Variants in NTM observed in about 807,000 individuals in gnomAD.
NTM encodes IgLON family member 2.
Under a neutral mutation model 42.1 loss-of-function variants are expected in NTM, and 13 were observed. That is an observed-to-expected ratio of 0.31 (90% CI 0.20 to 0.49). The LOEUF is 0.49. Among genes scored for constraint, NTM ranks in the 20% least tolerant of loss-of-function variants. The pLI is 0.99. For missense variants in NTM, 373 were observed against 452.8 expected, an observed-to-expected ratio of 0.82 and a Z score of 1.60; for synonymous variants, 187 against 179.2, an observed-to-expected ratio of 1.04 and a Z score of -0.35.
At chr11:131,614,111 G>C (rs2061694855) in intron 1 of NTM, among the ~76,000 whole-genome samples, 1 of 152,142 alleles carries the variant, frequency 6.6e-6, no homozygotes, top group Non-Finnish European at 1.5e-5. Context: ...ACTGAGATCT[G>C]GGGCGATGGG....
intron 1 of NTM, among the ~76,000 whole-genome samples, chr11:131,888,604 G>A (rs521152): frequency 0.063 from 9,554 of 152,016 alleles, 332 homozygotes; most frequent in East Asian, 0.15. Flanking sequence ...CTTCCTTGTC[G>A]CAGATGTAAA....
intron 2 of NTM, among the ~76,000 whole-genome samples, chr11:131,948,189 G>A (rs941381417): frequency 6.6e-6 from 1 of 151,634 alleles, no homozygotes; most frequent in Non-Finnish European, 1.5e-5. Context: ...GTGAAACCCC[G>A]TCTCTACTAA....
chr11:132,301,368 G>A (rs2094848426), intron 4 of NTM, among the ~76,000 whole-genome samples: 1 of 152,184 alleles, frequency 6.6e-6, no homozygotes, highest in Admixed American at 6.5e-5. Flanking sequence ...GAACTACAAT[G>A]CAAGATGAGA....
chr11:132,284,647 G>T (rs2094151777), intron 4 of NTM: 1 of 152,846 alleles, frequency 6.5e-6, no homozygotes, highest in African/African-American at 2.4e-5. Flanking sequence ...TGGCGGTTGG[G>T]ACTTCAACTT....
At chr11:131,768,370 G>A (rs540550666) in intron 1 of NTM, among the ~76,000 whole-genome samples, 8 of 152,004 alleles carry the variant, frequency 5.3e-5, no homozygotes, top group South Asian at 2.1e-4. Flanking sequence ...CACCTGCCTC[G>A]GCCTCTCAAA....
At chr11:131,656,196 A>T (rs1215284067) in intron 1 of NTM, among the ~76,000 whole-genome samples, 1 of 152,252 alleles carries the variant, frequency 6.6e-6, no homozygotes, top group African/African-American at 2.4e-5. Context: ...GTAGTGTTTT[A>T]TGCAAGGAAA....
intron 4 of NTM, among the ~76,000 whole-genome samples, chr11:132,301,122 C>T (rs1392074767): frequency 6.6e-6 from 1 of 152,162 alleles, no homozygotes; most frequent in Non-Finnish European, 1.5e-5. Flanking sequence ...ACTCACAGTT[C>T]CTCAGGGCTG....
At chr11:132,111,966 C>T (rs955147568) in intron 2 of NTM, among the ~76,000 whole-genome samples, 3 of 152,252 alleles carry the variant, frequency 2.0e-5, no homozygotes, top group Non-Finnish European at 4.4e-5. Context: ...AAGAGAGAAA[C>T]TTTGCTTTTC....
chr11:131,505,528 C>T (rs1311112535), intron 1 of NTM, among the ~76,000 whole-genome samples: 1 of 152,162 alleles, frequency 6.6e-6, no homozygotes, highest in Non-Finnish European at 1.5e-5. Flanking sequence ...TATTTACCCC[C>T]TTTTCACAGG....
At chr11:131,784,454 A>T (rs972222411) in intron 1 of NTM, among the ~76,000 whole-genome samples, 3 of 152,220 alleles carry the variant, frequency 2.0e-5, no homozygotes, top group Admixed American at 6.5e-5. Flanking sequence ...AAGCAGAAGG[A>T]ATAAATTCAA....
chr11:131,825,538 G>C (rs10750491), intron 1 of NTM, among the ~76,000 whole-genome samples: 78,020 of 151,958 alleles, frequency 0.51, 24,014 homozygotes, highest in East Asian at 0.86. Context: ...AAGATGCCAT[G>C]GTCAAATTTT....
intron 2 of NTM, among the ~76,000 whole-genome samples, chr11:132,004,154 AG>A (rs2070135715): frequency 6.6e-6 from 1 of 152,166 alleles, no homozygotes; most frequent in African/African-American, 2.4e-5. Flanking sequence ...CAGGGGAATG[AG>A]GGGGGCATTG....
At chr11:131,822,940 CCTTCCTTTCTTT>C (rs1407774440) in intron 1 of NTM, among the ~76,000 whole-genome samples, 2 of 152,020 alleles carry the variant, frequency 1.3e-5, no homozygotes, top group Admixed American at 1.3e-4. Context: ...TAGCTTTTTT[CCTTCCTTTCTTT>C]CTTCCTTCCT....
chr11:131,789,636 A>AGAAGAAGCAGAAGAAGAAGAAGAAAG (rs1555127949), intron 1 of NTM, among the ~76,000 whole-genome samples: 1 of 30,900 alleles, frequency 3.2e-5, no homozygotes, highest in African/African-American at 1.2e-4. Context: ...AAGAAGAAGA[A>AGAAGAAGCAGAAGAAGAAGAAGAAAG]AAGAAGAAGA....
chr11:131,760,104 A>G (rs1269038210), intron 1 of NTM, among the ~76,000 whole-genome samples: 1 of 152,194 alleles, frequency 6.6e-6, no homozygotes, highest in Non-Finnish European at 1.5e-5. Context: ...AGTTGGGCAG[A>G]AAATTAATTA....
chr11:131,562,661 C>CGT (rs1282679414), intron 1 of NTM, among the ~76,000 whole-genome samples: 7 of 152,154 alleles, frequency 4.6e-5, no homozygotes, highest in African/African-American at 1.7e-4. Context: ...ACTTTTCCTT[C>CGT]GTGTTTCTTA....
At chr11:132,242,645 A>G (rs946181695) in intron 4 of NTM, among the ~76,000 whole-genome samples, 1 of 152,220 alleles carries the variant, frequency 6.6e-6, no homozygotes, top group African/African-American at 2.4e-5. Context: ...CCTGTTTGAA[A>G]GTAAAGCAAG....
chr11:131,632,191 T>A (rs1176949395), intron 1 of NTM, among the ~76,000 whole-genome samples: 3 of 152,226 alleles, frequency 2.0e-5, no homozygotes, highest in African/African-American at 7.2e-5. Flanking sequence ...AGCATTTTTT[T>A]AAGTTGGATT....
At chr11:131,988,911 T>A (rs909841580) in intron 2 of NTM, among the ~76,000 whole-genome samples, 4 of 152,232 alleles carry the variant, frequency 2.6e-5, no homozygotes, top group African/African-American at 9.6e-5. Flanking sequence ...GAGCTCATAT[T>A]ATTTTGGAAT....
Sources: allele counts gnomAD v4.1 joint callset (sites outside exome capture counted in the v4.1 genomes callset), GRCh38; gene constraint gnomAD v4.1.1; transcripts MANE v1.5; gene names NCBI Gene and HGNC (gene_info 2026-07-23, HGNC 2026-07-21).